Variants in LTBP1 observed in about 807,000 individuals in gnomAD.
LTBP1 encodes latent-transforming growth factor beta-binding protein 1.
LTBP1 carries 129 observed loss-of-function variants against 207.6 expected under a neutral mutation model. The observed-to-expected ratio is 0.62, with a 90% CI of 0.54 to 0.72. The LOEUF (loss-of-function observed/expected upper bound fraction) is 0.72. LTBP1 is among the 30% of genes least tolerant of loss of function. The pLI, the probability that LTBP1 is intolerant of heterozygous loss-of-function variation, is 0.00. For synonymous variants in LTBP1, 963 were observed against 833.7 expected, an observed-to-expected ratio of 1.16 and a Z score of -2.67; for missense variants, 2,281 against 2,217.2, an observed-to-expected ratio of 1.03 and a Z score of -0.58.
At chr2:33,010,721 CTT>C (rs1256189915) in intron 2 of LTBP1, among the ~76,000 whole-genome samples, 23 of 134,768 alleles carry the variant, frequency 1.7e-4, no homozygotes, top group Non-Finnish European at 1.8e-4. Context: ...GATTTTAATC[CTT>C]TTTTTTTTTT....
In LTBP1 at chr2:33,361,452, A is replaced by G. The variant is rs2094926369; in HGVS notation, c.4207A>G (p.Lys1403Glu). 6.2e-7 allele frequency: 1 copy of G among 1,607,182 alleles called. No individual in the cohort carries two copies. The highest frequency in any genetic ancestry group is 1.1e-5 in the South Asian group (1 of 90,766). Residue 1403 changes from lysine to glutamate, a missense_variant, in exon 28 of 34, where the codon AAA becomes GAA. By Grantham distance (56) the Lys-to-Glu change is moderately conservative. Transcript: ENST00000404816. ...AGCTGAGTTCACTGAAATGTGTCCC[A>G]AAGGGAAAGGTTTTGTGCCTGCTGG... Reference protein sequence around the residue: ...GTAEFTEMCPKGKGFVPAGES... With the variant: ...GTAEFTEMCPEGKGFVPAGES...
chr2:33,182,384 C>T (rs572444712), intron 5 of LTBP1, among the ~76,000 whole-genome samples: 48 of 151,812 alleles, frequency 3.2e-4, no homozygotes, highest in African/African-American at 1.1e-3. Flanking sequence ...TGGTGTTGGC[C>T]GGGCGCAGTG....
In LTBP1 at chr2:32,947,388, C is replaced by T. The variant is rs747311609; in HGVS notation, c.64C>T (p.His22Tyr). 4 of 1,396,864 alleles carry T rather than the reference C, an allele frequency of 2.9e-6. No individual in the cohort carries two copies. The highest frequency in any genetic ancestry group is 3.0e-5 in the South Asian group (2 of 66,300). The allele number at this position is 1,396,864 out of a possible 1,614,324, so 86.5% of individuals were successfully genotyped here. A position where few individuals can be genotyped will look rare whatever the true frequency, so the allele number is the denominator to read the frequency against. ...GGCAGGGCTCCTCGCGTCCTCGGCG[C>T]ACGGCCGGCTGCGGAGGATCACCTA... ...LWAGLLASSA[H>Y]GRLRRITYVV... The change falls in exon 1 of 34, where the codon CAC becomes TAC. Residue 22 changes from histidine to tyrosine, a missense_variant. His to Tyr is a moderately conservative substitution (Grantham distance 83, BLOSUM62 2). Around this residue, in one of 3 missense-constraint regions of LTBP1, gnomAD observed 555 missense variants for 491.0 expected, o/e 1.13. Transcript: ENST00000404816.
intron 24 of LTBP1, among the ~76,000 whole-genome samples, chr2:33,323,975 C>T (rs1284454966): frequency 6.6e-6 from 1 of 152,122 alleles, no homozygotes; most frequent in Non-Finnish European, 1.5e-5. Context: ...TTGGTGAGTG[C>T]TTCAGTTCCC....
In LTBP1 at chr2:33,347,595, G is replaced by A; in HGVS notation, c.4000+85G>A. ...CACAGCTTTGGGATAAACGCTGGGAGTGAGATAAGAAGCAGCCAGATGTCC... is the reference window on the plus strand; with the variant it reads ...CACAGCTTTGGGATAAACGCTGGGAATGAGATAAGAAGCAGCCAGATGTCC... On this transcript the variant is annotated intron_variant, in intron 26 of 33. Coordinates refer to ENST00000404816, the MANE Select transcript of LTBP1 (RefSeq NM_206943.4). The A allele has an allele frequency of 3.3e-6, 5 of 1,530,738 alleles. No homozygotes were observed. The South Asian group carries it at 5.9e-5, about 18-fold the overall frequency. The allele number at this position is 1,530,738 out of a possible 1,614,324, so 94.8% of individuals were successfully genotyped here.
chr2:33,281,691 G>GTC (rs1388988792), intron 19 of LTBP1, among the ~76,000 whole-genome samples: 1 of 152,152 alleles, frequency 6.6e-6, no homozygotes, highest in Non-Finnish European at 1.5e-5. Flanking sequence ...CAACCCAAGA[G>GTC]TCTCTGCTGA....
chr2:33,160,110 C>T (rs1424647009), intron 5 of LTBP1, among the ~76,000 whole-genome samples: 2 of 152,128 alleles, frequency 1.3e-5, no homozygotes, highest in African/African-American at 4.8e-5. Context: ...AACTCCTGAC[C>T]TCAAGTGGTC....
chr2:33,070,394 G>A (rs1016383477), intron 3 of LTBP1, among the ~76,000 whole-genome samples: 1 of 152,230 alleles, frequency 6.6e-6, no homozygotes, highest in African/African-American at 2.4e-5. Flanking sequence ...CCTCTGAGCT[G>A]CTGTCAGGCG....
At chr2:33,015,136 C>T (rs1027758670) in intron 2 of LTBP1, among the ~76,000 whole-genome samples, 2 of 152,074 alleles carry the variant, frequency 1.3e-5, no homozygotes, top group Admixed American at 6.6e-5. Flanking sequence ...GCTTCACTGT[C>T]GCTACTCTTC....
intron 2 of LTBP1, among the ~76,000 whole-genome samples, chr2:32,974,588 C>T (rs760844037): frequency 6.6e-6 from 1 of 151,922 alleles, no homozygotes; most frequent in Non-Finnish European, 1.5e-5. Context: ...TGATGTGATC[C>T]CAGTTTTCCA....
At chr2:33,386,934 G>A (rs1044958905) in intron 31 of LTBP1, among the ~76,000 whole-genome samples, 7 of 150,186 alleles carry the variant, frequency 4.7e-5, no homozygotes, top group Admixed American at 1.3e-4. Flanking sequence ...AGGTTCAAGC[G>A]ATTCTCCTGC....
intron 9 of LTBP1, among the ~76,000 whole-genome samples, chr2:33,238,867 T>G (rs185186633): frequency 6.6e-6 from 1 of 152,336 alleles, no homozygotes; most frequent in East Asian, 1.9e-4. Context: ...GGTCCTCACT[T>G]CATCGTCACC....
At chr2:33,323,379 G>GTA in intron 24 of LTBP1, among the ~76,000 whole-genome samples, 1 of 152,178 alleles carries the variant, frequency 6.6e-6, no homozygotes, top group East Asian at 1.9e-4. Context: ...GCTCACACCT[G>GTA]TAATCCCAGC....
chr2:33,095,874 G>A (rs1408209413), intron 3 of LTBP1, among the ~76,000 whole-genome samples: 2 of 152,066 alleles, frequency 1.3e-5, no homozygotes, highest in Admixed American at 1.3e-4. Flanking sequence ...TAAAATCTCA[G>A]TGCTGTTGGA....
At chr2:33,291,865 G>C (rs2093780926) in intron 19 of LTBP1, 5 of 152,230 alleles carry the variant, frequency 3.3e-5, no homozygotes. Context: ...GTGTGCTTGT[G>C]ACTGCCTTAA....
chr2:33,105,708 C>T (rs1282991000), intron 3 of LTBP1, among the ~76,000 whole-genome samples: 4 of 152,182 alleles, frequency 2.6e-5, no homozygotes, highest in East Asian at 1.9e-4. Context: ...GCTGGGACTA[C>T]AGACTTGAGC....
chr2:33,185,083 A>G (rs765012119), intron 5 of LTBP1, among the ~76,000 whole-genome samples: 2 of 152,216 alleles, frequency 1.3e-5, no homozygotes, highest in Admixed American at 6.5e-5. Flanking sequence ...GATGGAAAGA[A>G]TGTTCCAGGC....
chr2:33,341,472 A>T (rs927226683), intron 24 of LTBP1, among the ~76,000 whole-genome samples: 1 of 151,820 alleles, frequency 6.6e-6, no homozygotes, highest in Non-Finnish European at 1.5e-5. Flanking sequence ...AGCACTTTGG[A>T]AGGCCGAGGC....
intron 11 of LTBP1, among the ~76,000 whole-genome samples, chr2:33,254,851 G>GT (rs1558893129): frequency 2.4e-3 from 17 of 7,058 alleles, no homozygotes; most frequent in African/African-American, 6.2e-3. Flanking sequence ...TGCGGTGTTT[G>GT]GTTTTTTTTT....
Sources: allele counts gnomAD v4.1 joint callset (sites outside exome capture counted in the v4.1 genomes callset), GRCh38; gene constraint gnomAD v4.1.1; regional missense constraint gnomAD v4.1.1; transcripts MANE v1.5; gene names NCBI Gene and HGNC (gene_info 2026-07-23, HGNC 2026-07-21).